Variants in KIF16B observed in about 807,000 individuals in gnomAD.
The protein encoded by KIF16B is kinesin family member 16B.
KIF16B carries 98 observed loss-of-function variants against 156.3 expected under a neutral mutation model. The ratio of observed to expected loss-of-function variants is 0.63; its 90% CI spans 0.53 to 0.74. The LOEUF is 0.74. Ranked by LOEUF, KIF16B falls within the 30% of genes least tolerant of loss-of-function variation. The probability of loss-of-function intolerance (pLI) is 0.00; values close to 1 mark genes in which losing one functional copy is unlikely to be tolerated. For synonymous variants in KIF16B, 564 were observed against 583.7 expected, an observed-to-expected ratio of 0.97 and a Z score of 0.49; for missense variants, 1,421 against 1,606.5, an observed-to-expected ratio of 0.88 and a Z score of 1.97.
rs562154816 is a variant in KIF16B, at chr20:16,272,660, C to T, written c.*593G>A. The T allele has an allele frequency of 2.0e-5, 3 of 152,450 alleles. No individual in the cohort carries two copies. The South Asian group carries it at 6.2e-4, about 32-fold the overall frequency. 9.4% of individuals were successfully genotyped at this position (152,450 alleles called of 1,614,324 possible). A position where few individuals can be genotyped will look rare whatever the true frequency, so the allele number is the denominator to read the frequency against. ...TGGAAGACTACAGTCATGATTGGAT[C>T]AAAAAATCCCTTTTGCAGAATATGA... On this transcript the variant is annotated 3_prime_UTR_variant, in exon 26 of 26. Transcript: ENST00000354981.
intron 17 of KIF16B, among the ~76,000 whole-genome samples, chr20:16,399,378 C>G (rs896087390): frequency 6.6e-5 from 10 of 152,210 alleles, no homozygotes; most frequent in African/African-American, 2.2e-4. Flanking sequence ...TGATTTCTAA[C>G]AGGCTTTACA....
At chr20:16,498,901 C>T (rs2068533991) in intron 10 of KIF16B, among the ~76,000 whole-genome samples, 1 of 126,144 alleles carries the variant, frequency 7.9e-6, no homozygotes, top group African/African-American at 2.6e-5. Context: ...CAAAAACACC[C>T]ACAAGGTGAT....
At chr20:16,571,138 T>C (rs2071434524) in intron 1 of KIF16B, among the ~76,000 whole-genome samples, 5 of 152,182 alleles carry the variant, frequency 3.3e-5, no homozygotes, top group Admixed American at 3.3e-4. Context: ...AACTTCATTG[T>C]CCACCTTCCT....
intron 25 of KIF16B, among the ~76,000 whole-genome samples, chr20:16,289,677 T>C (rs1474258658): frequency 6.6e-6 from 1 of 152,074 alleles, no homozygotes; most frequent in Admixed American, 6.5e-5. Context: ...CCGTCTCTAC[T>C]AAAAATACAA....
chr20:16,553,332 C>T lies in KIF16B; in HGVS notation c.47+19897G>A, dbSNP rs141880164. On this transcript the variant is annotated intron_variant, in intron 1 of 25. Transcript: ENST00000354981. ...GCTCTACTCAATGCCTCCTGACCCC[C>T]ACGCTGTCACGCCTTGAATGCAACA... Among the ~76,000 whole-genome samples, 17 of 152,342 alleles carry T rather than the reference C, an allele frequency of 1.1e-4. No individual in the cohort carries two copies. The East Asian group carries it at 3.3e-3, about 29-fold the overall frequency.
rs73251215 is a variant in KIF16B at position 16,281,699 on chromosome 20, C to T, written c.3796-8288G>A. On this transcript the variant is annotated intron_variant, in intron 25 of 25. Coordinates refer to ENST00000354981, the MANE Select transcript of KIF16B (RefSeq NM_024704.5). ...TGGTTTGGGTAACTCATCCATCCAG[C>T]GCAGTCACTGCACACGTGTTCTCCA... Among the ~76,000 whole-genome samples, 881 of 152,220 alleles carry T rather than the reference C, an allele frequency of 5.8e-3. 9 individuals carry two copies. The highest frequency in any genetic ancestry group is 0.019 in the African/African-American group (801 of 41,534).
At chr20:16,452,654 T>C (rs1157871065) in intron 12 of KIF16B, among the ~76,000 whole-genome samples, 1 of 151,742 alleles carries the variant, frequency 6.6e-6, no homozygotes, top group Non-Finnish European at 1.5e-5. Flanking sequence ...GCTAACACAG[T>C]GGAACCCCGT....
intron 12 of KIF16B, among the ~76,000 whole-genome samples, chr20:16,478,744 A>G (rs2067890976): frequency 6.6e-6 from 1 of 152,196 alleles, no homozygotes; most frequent in Non-Finnish European, 1.5e-5. Context: ...GTATATTGTT[A>G]TAATTGTTTA....
intron 12 of KIF16B, among the ~76,000 whole-genome samples, chr20:16,453,091 G>T (rs1177070198): frequency 6.9e-6 from 1 of 144,750 alleles, no homozygotes; most frequent in Non-Finnish European, 1.5e-5. Flanking sequence ...AACATAGTGA[G>T]ACCCTATCTT....
chr20:16,383,553 C>T (rs1483776789), intron 17 of KIF16B, among the ~76,000 whole-genome samples: 2 of 152,152 alleles, frequency 1.3e-5, no homozygotes, highest in East Asian at 3.9e-4. Context: ...GTCATGAAGG[C>T]CAGCCCATAT....
intron 25 of KIF16B, among the ~76,000 whole-genome samples, chr20:16,281,519 C>G (rs1034651360): frequency 8.5e-5 from 13 of 152,166 alleles, no homozygotes; most frequent in Non-Finnish European, 1.9e-4. Context: ...CCAGTCAAGT[C>G]TTCCCAATTC....
chr20:16,368,053 C>T, intron 22 of KIF16B: 15 of 1,372,320 alleles, frequency 1.1e-5, no homozygotes, highest in Non-Finnish European at 1.4e-5. Context: ...AGGTGCTGTG[C>T]AGGCAGCAAC....
intron 25 of KIF16B, among the ~76,000 whole-genome samples, chr20:16,281,499 T>C (rs1373911356): frequency 2.0e-5 from 3 of 152,184 alleles, no homozygotes; most frequent in Non-Finnish European, 4.4e-5. Flanking sequence ...GTGTGGTCAA[T>C]ATGATCCATC....
chr20:16,508,952 C>T (rs1377810130), intron 6 of KIF16B, among the ~76,000 whole-genome samples: 1 of 152,074 alleles, frequency 6.6e-6, no homozygotes, highest in Non-Finnish European at 1.5e-5. Context: ...AAAGGTCCCC[C>T]GTCCCTATGC....
intron 3 of KIF16B, among the ~76,000 whole-genome samples, chr20:16,521,993 G>C (rs569557717): frequency 6.6e-6 from 1 of 152,078 alleles, no homozygotes; most frequent in Non-Finnish European, 1.5e-5. Context: ...CCACCACCAG[G>C]CCTGCCTTAC....
intron 3 of KIF16B, among the ~76,000 whole-genome samples, chr20:16,515,877 C>T (rs1476878219): frequency 6.6e-6 from 1 of 152,152 alleles, no homozygotes; most frequent in Non-Finnish European, 1.5e-5. Flanking sequence ...GCAGCCCCAT[C>T]CTCTTTCCTA....
At chr20:16,278,759 T>C (rs2063101465) in intron 25 of KIF16B, among the ~76,000 whole-genome samples, 1 of 152,116 alleles carries the variant, frequency 6.6e-6, no homozygotes, top group South Asian at 2.1e-4. Flanking sequence ...TGTGGTGATA[T>C]GAGAGACACC....
chr20:16,384,216 C>T (rs1368775828), intron 17 of KIF16B, among the ~76,000 whole-genome samples: 5 of 152,050 alleles, frequency 3.3e-5, no homozygotes, highest in African/African-American at 7.2e-5. Context: ...CACAGTGTCA[C>T]GAACTGTGCT....
intron 12 of KIF16B, among the ~76,000 whole-genome samples, chr20:16,481,780 G>T (rs1389937806): frequency 1.3e-5 from 2 of 152,194 alleles, no homozygotes; most frequent in Non-Finnish European, 2.9e-5. Context: ...ATTTGACAAA[G>T]ACAACTTAGG....
Sources: allele counts gnomAD v4.1 joint callset (sites outside exome capture counted in the v4.1 genomes callset), GRCh38; gene constraint gnomAD v4.1.1; transcripts MANE v1.5; gene names NCBI Gene and HGNC (gene_info 2026-07-23, HGNC 2026-07-21).